Variants in LUZP2 observed in about 807,000 individuals in gnomAD.
LUZP2 encodes leucine zipper protein 2.
In LUZP2, 52 loss-of-function variants were observed where a neutral mutation model predicts 51.6. The observed-to-expected ratio is 1.01, with a 90% CI of 0.81 to 1.27. The LOEUF (loss-of-function observed/expected upper bound fraction) is 1.27. Among genes scored for constraint, LUZP2 ranks in the 50% most tolerant of loss-of-function variants. LUZP2 has a pLI of 0.00. For synonymous variants in LUZP2, 154 were observed against 137.3 expected (o/e 1.12, Z -0.85); for missense variants, 436 against 395.4 (o/e 1.10, Z -0.87).
At chr11:24,868,322 C>A (rs2134260997) in intron 5 of LUZP2, among the ~76,000 whole-genome samples, 1 of 146,594 alleles carries the variant, frequency 6.8e-6, no homozygotes, top group African/African-American at 2.5e-5. Context: ...TAGTTCATTC[C>A]TGTGTTCTTC....
At chr11:25,010,692 C>CA (rs1450595937) in intron 9 of LUZP2, among the ~76,000 whole-genome samples, 9 of 151,662 alleles carry the variant, frequency 5.9e-5, no homozygotes. Context: ...CTACAAAATA[C>CA]AAAAATTAGC....
chr11:24,863,661 TA>T (rs1250278036), intron 5 of LUZP2, among the ~76,000 whole-genome samples: 1 of 152,186 alleles, frequency 6.6e-6, no homozygotes, highest in Non-Finnish European at 1.5e-5. Flanking sequence ...GAAAATGTAC[TA>T]AAACCTGCTG....
intron 5 of LUZP2, among the ~76,000 whole-genome samples, chr11:24,860,092 G>A (rs957793299): frequency 6.6e-5 from 10 of 152,190 alleles, no homozygotes; most frequent in African/African-American, 2.4e-4. Context: ...TCCAGGCTAC[G>A]CTTTTCCCCT....
intron 1 of LUZP2, among the ~76,000 whole-genome samples, chr11:24,571,025 T>TG (rs752684403): frequency 2.6e-5 from 4 of 152,080 alleles, no homozygotes; most frequent in Non-Finnish European, 5.9e-5. Flanking sequence ...AGCAATACTA[T>TG]GTGGATGGAA....
At chr11:24,905,470 G>C (rs889631449) in intron 5 of LUZP2, among the ~76,000 whole-genome samples, 1 of 152,112 alleles carries the variant, frequency 6.6e-6, no homozygotes, top group African/African-American at 2.4e-5. Flanking sequence ...AGAGGTTGCA[G>C]GGAGCTGAGA....
chr11:24,531,115 T>G (rs1850981481), intron 1 of LUZP2, among the ~76,000 whole-genome samples: 1 of 150,024 alleles, frequency 6.7e-6, no homozygotes, highest in Admixed American at 6.7e-5. Context: ...AACTTCATAA[T>G]GCACTGTGTT....
rs1371900788 is a variant in LUZP2 at position 24,541,996 on chromosome 11, T to G, written c.62+44691T>G. On this transcript the variant is annotated intron_variant, in intron 1 of 11. Transcript: ENST00000336930. Reference sequence around the variant, plus strand: ...ATTTCTGAGACAGAATGGATTTATGTTTTCACAGAATTAATGGTATACCAA... The same window carrying G: ...ATTTCTGAGACAGAATGGATTTATGGTTTCACAGAATTAATGGTATACCAA... Among the ~76,000 whole-genome samples the G allele has an allele frequency of 2.0e-5, 3 of 152,122 alleles. No homozygotes were observed. In the East Asian group the frequency reaches 5.8e-4, roughly 29 times the overall value.
chr11:24,602,084 GTATA>G (rs1853692051), intron 1 of LUZP2, among the ~76,000 whole-genome samples: 1 of 81,190 alleles, frequency 1.2e-5, no homozygotes, highest in Non-Finnish European at 2.6e-5. Context: ...GTATATATGT[GTATA>G]TATGTATATA....
At chr11:24,785,748 A>C in intron 5 of LUZP2, 1 of 390,044 alleles carries the variant, frequency 2.6e-6, no homozygotes, top group Non-Finnish European at 3.5e-6. Flanking sequence ...CATATGTGCT[A>C]TTATATAAAC....
At chr11:25,065,072 C>T (rs978305704) in intron 10 of LUZP2, among the ~76,000 whole-genome samples, 1 of 152,034 alleles carries the variant, frequency 6.6e-6, no homozygotes, top group Non-Finnish European at 1.5e-5. Flanking sequence ...CTACAAAACA[C>T]AATTCACTTA....
In LUZP2 at chr11:24,636,833, T is replaced by A. The variant is rs545609776; in HGVS notation, c.63-92336T>A. Among the ~76,000 whole-genome samples the A allele has an allele frequency of 1.3e-4, 19 of 149,450 alleles. No individual in the cohort carries two copies. The East Asian group carries it at 3.1e-3, about 24-fold the overall frequency. On this transcript the variant is annotated intron_variant, in intron 1 of 11. Coordinates refer to ENST00000336930, the MANE Select transcript of LUZP2 (RefSeq NM_001009909.4). Reference sequence around the variant, plus strand: ...AAATAAAGCAAGATTAAAAATAAAATTTTTTACATGAGGTAATATGAAAGA... The same window carrying A: ...AAATAAAGCAAGATTAAAAATAAAAATTTTTACATGAGGTAATATGAAAGA...
At chr11:24,788,926 C>T (rs75527371) in intron 5 of LUZP2, among the ~76,000 whole-genome samples, 462 of 152,232 alleles carry the variant, frequency 3.0e-3, no homozygotes, top group Non-Finnish European at 5.1e-3. Context: ...CCAATTCAAA[C>T]GCAAATCTCA....
At chr11:25,025,025 G>A (rs1200477725) in intron 9 of LUZP2, among the ~76,000 whole-genome samples, 2 of 151,986 alleles carry the variant, frequency 1.3e-5, no homozygotes, top group Non-Finnish European at 2.9e-5. Flanking sequence ...TGACAAACCT[G>A]AGAAAAACAA....
intron 6 of LUZP2, among the ~76,000 whole-genome samples, chr11:24,908,844 C>T (rs1188403370): frequency 1.3e-5 from 2 of 151,352 alleles, no homozygotes; most frequent in Non-Finnish European, 2.9e-5. Context: ...CAAGCTCCAC[C>T]TCCCAGGTTC....
intron 5 of LUZP2, among the ~76,000 whole-genome samples, chr11:24,773,536 A>T (rs1848814663): frequency 6.6e-6 from 1 of 152,154 alleles, no homozygotes; most frequent in African/African-American, 2.4e-5. Flanking sequence ...ACTCTGAAGG[A>T]TGAGACAGAG....
intron 1 of LUZP2, among the ~76,000 whole-genome samples, chr11:24,574,178 TTTC>T (rs1452622499): frequency 6.9e-6 from 1 of 144,208 alleles, no homozygotes; most frequent in Non-Finnish European, 1.5e-5. Flanking sequence ...TCTTTCTTTC[TTTC>T]TTTTCTTTCT....
chr11:24,502,178 T>A, intron 1 of LUZP2, among the ~76,000 whole-genome samples: 1 of 152,144 alleles, frequency 6.6e-6, no homozygotes, highest in East Asian at 1.9e-4. Context: ...GTATTATTAA[T>A]ATTATTTTTA....
chr11:24,629,531 TATATATATATTCCATTGC>T (rs1171045624), intron 1 of LUZP2, among the ~76,000 whole-genome samples: 3 of 130,330 alleles, frequency 2.3e-5, no homozygotes, highest in South Asian at 2.6e-4. Context: ...TTCCATTGCA[TATATATATATTCCATTGC>T]ATATATATAT....
intron 7 of LUZP2, among the ~76,000 whole-genome samples, chr11:24,973,105 G>A (rs1204341295): frequency 7.2e-6 from 1 of 138,702 alleles, no homozygotes; most frequent in Non-Finnish European, 1.5e-5. Context: ...ATTTCTTACT[G>A]CCTCAATTTT....
Sources: gnomAD v4.1 joint callset for allele counts (sites outside exome capture counted in the v4.1 genomes callset) on GRCh38, gnomAD v4.1.1 for gene constraint, MANE v1.5 for transcripts, NCBI Gene and HGNC (gene_info 2026-07-23, HGNC 2026-07-21) for gene names.